POLE4: variants seen among roughly 807,000 people sequenced by gnomAD.
The protein encoded by POLE4 is DNA polymerase epsilon 4, accessory subunit.
Under a neutral mutation model 15.6 loss-of-function variants are expected in POLE4, and 15 were observed. The observed-to-expected ratio is 0.96, with a 90% CI of 0.64 to 1.48. POLE4 has a LOEUF of 1.48. Among genes scored for constraint, POLE4 ranks in the 40% most tolerant of loss-of-function variants. The probability of loss-of-function intolerance (pLI) is 0.00; values close to 1 mark genes in which losing one functional copy is unlikely to be tolerated. For synonymous variants in POLE4, 83 were observed against 63.2 expected (o/e 1.31, Z -1.49); for missense variants, 205 against 151.9 (o/e 1.35, Z -1.84).
chr2:74,968,806 T>G (rs1437700069), intron 3 of POLE4, among the ~76,000 whole-genome samples: 1 of 152,010 alleles, frequency 6.6e-6, no homozygotes, highest in Non-Finnish European at 1.5e-5. Context: ...ATGGTTCTTT[T>G]AGGCATATGG....
chr2:74,958,911 G>T lies in POLE4; in HGVS notation c.213+19G>T. 3.2e-6 allele frequency: 5 copies of T among 1,549,624 alleles called. No homozygotes were observed. The highest frequency in any genetic ancestry group is 1.2e-5 in the South Asian group (1 of 84,044). ...AGCCGCGGTGCGCCTGCAGCGCGAG[G>T]GCATGCGGGAGTGGGGGAGGTGGAG... On this transcript the variant is annotated intron_variant, in intron 1 of 3. Transcript: ENST00000483063.
chr2:74,959,779 C>G, intron 2 of POLE4: 1 of 454,796 alleles, frequency 2.2e-6, no homozygotes, highest in South Asian at 3.8e-5. Context: ...ATACCGTATT[C>G]TCATGCGCCC....
rs1239273253 is a variant in POLE4, at chr2:74,960,162, G to C, written c.340+16G>C. ...TTTCTGGAAGGTGAGTTCCCTCTCAGTGGGCAATCATTTCCGCCTGTCTTT... is the reference window on the plus strand; with the variant it reads ...TTTCTGGAAGGTGAGTTCCCTCTCACTGGGCAATCATTTCCGCCTGTCTTT... On this transcript the variant is annotated intron_variant, in intron 3 of 3. Coordinates refer to ENST00000483063, the MANE Select transcript of POLE4 (RefSeq NM_019896.4). 1 of 1,602,506 alleles carries C rather than the reference G, an allele frequency of 6.2e-7. No homozygotes were observed. Among genetic ancestry groups the C allele is most frequent in the South Asian group, 1.1e-5 (1 of 90,854 alleles).
Position 74,969,419 on chromosome 2 carries a change from T to A in POLE4, c.351T>A (p.Asp117Glu). ...TCTTTGTATGTTTAGGTACTTTAGA[T>A]TGATTGCCGAGCGGGGCAGTTTTGT... is the stretch of plus-strand genomic sequence containing the variant. ...DEFAFLEGTL[D>E] The change falls in exon 4 of 4, where the codon GAT (aspartate) becomes GAA (glutamate). Residue 117 changes from aspartate to glutamate, a missense_variant. Asp to Glu is a conservative substitution (Grantham distance 45). Transcript: ENST00000483063. 1 of 1,613,878 alleles carries A rather than the reference T, an allele frequency of 6.2e-7. No homozygotes were observed. Among genetic ancestry groups the A allele is most frequent in the Non-Finnish European group, 8.5e-7 (1 of 1,179,768 alleles).
At chr2:74,959,467 C>A in intron 2 of POLE4, 42 bp downstream of exon 2, 2 of 1,337,216 alleles carry the variant, frequency 1.5e-6, no homozygotes, top group Non-Finnish European at 2.1e-6. Flanking sequence ...CAAGGGAGGG[C>A]TGGGCTGGTT....
chr2:74,958,885 G>C lies in POLE4; in HGVS notation c.206G>C (p.Arg69Pro), dbSNP rs935556931. Residue 69 changes from arginine (R) to proline (P), a missense_variant, in exon 1 of 4, where the codon CGA (arginine) becomes CCA (proline). Arg to Pro is a moderately radical substitution (Grantham distance 103). Transcript: ENST00000483063. ...CAGGAAGCCATCTTCATTCTGGCAC[G>C]AGCCGCGGTGCGCCTGCAGCGCGAG... Reference protein sequence around the residue: ...AGQEAIFILARAAELFVETIA... With the variant: ...AGQEAIFILAPAAELFVETIA... 2 of 1,555,302 alleles carry C rather than the reference G, an allele frequency of 1.3e-6. No homozygotes were observed. Among genetic ancestry groups the C allele is most frequent in the Non-Finnish European group, 1.7e-6 (2 of 1,149,218 alleles).
chr2:74,959,314 C>T (rs1276275356), intron 1 of POLE4, 27 bp from the exon 2 acceptor site: 3 of 1,543,842 alleles, frequency 1.9e-6, no homozygotes, highest in Non-Finnish European at 2.7e-6. Context: ...GAACCCATTA[C>T]TAAAACTTTG....
intron 3 of POLE4, among the ~76,000 whole-genome samples, chr2:74,963,649 G>A (rs1671257203): frequency 6.6e-6 from 1 of 151,910 alleles, no homozygotes; most frequent in Admixed American, 6.6e-5. Context: ...CACCACGCCT[G>A]GCTAATTTTG....
chr2:74,959,197 G>A, intron 1 of POLE4, 144 bp from the exon 2 acceptor site: 2 of 627,346 alleles, frequency 3.2e-6, no homozygotes, highest in East Asian at 2.8e-5. Flanking sequence ...GGATCTTCAT[G>A]AAGTCCAGGA....
At position 74,965,673 on chromosome 2, in the gene POLE4, C is replaced by T. The variant is rs151257434; in HGVS notation, c.341-3736C>T. ...ATTCTTTCATTATATATTATGAAAC[C>T]ATGTGATTAGATATATACAAATTTA... On this transcript the variant is annotated intron_variant, in intron 3 of 3. Coordinates refer to ENST00000483063, the MANE Select transcript of POLE4 (RefSeq NM_019896.4). 5.2e-3 allele frequency among the ~76,000 whole-genome samples: 797 copies of T among 152,180 alleles called. 10 individuals carry two copies. The highest frequency in any genetic ancestry group is 0.018 in the African/African-American group (755 of 41,522).
At chr2:74,966,833 T>G (rs1482886036) in intron 3 of POLE4, among the ~76,000 whole-genome samples, 1 of 152,232 alleles carries the variant, frequency 6.6e-6, no homozygotes, top group African/African-American at 2.4e-5. Context: ...GCCTTGAATT[T>G]CATTGTTGGA....
In POLE4 at chr2:74,969,482, C is replaced by T. The variant is rs550309280; in HGVS notation, c.*60C>T. ...GAAGCCTTCAGTTCACCCCTCTGCA[C>T]AGGCCTCAGCTTTGAAGAACGGAGT... is the stretch of plus-strand genomic sequence containing the variant. On this transcript the variant is annotated 3_prime_UTR_variant, in exon 4 of 4. Coordinates refer to ENST00000483063, the MANE Select transcript of POLE4 (RefSeq NM_019896.4). 54 of 1,507,924 alleles carry T rather than the reference C, an allele frequency of 3.6e-5. No individual in the cohort carries two copies. The highest frequency in any genetic ancestry group is 1.8e-6 in the Non-Finnish European group (2 of 1,082,982). 93.4% of individuals were successfully genotyped at this position (1,507,924 alleles called of 1,614,324 possible).
chr2:74,958,874 C>T lies in POLE4; in HGVS notation c.195C>T (p.Phe65=), dbSNP rs1489630776. 5.1e-6 allele frequency: 8 copies of T among 1,558,224 alleles called. No homozygotes were observed. The highest frequency in any genetic ancestry group is 7.0e-6 in the Non-Finnish European group (8 of 1,151,052). ...DVTLAGQEAI[F]ILARAAELFV... is the part of the protein sequence containing the mutation. ...CGCTAGCGGGACAGGAAGCCATCTT[C>T]ATTCTGGCACGAGCCGCGGTGCGCC... is the stretch of plus-strand genomic sequence containing the variant. Residue 65 remains phenylalanine (F), a synonymous_variant, in exon 1 of 4, where the codon TTC becomes TTT. Transcript: ENST00000483063.
chr2:74,967,396 T>C (rs1671312071), intron 3 of POLE4, among the ~76,000 whole-genome samples: 1 of 152,032 alleles, frequency 6.6e-6, no homozygotes, highest in South Asian at 2.1e-4. Flanking sequence ...CCAAATCTGT[T>C]GTCTTTTTTT....
chr2:74,961,824 G>C (rs1671224820), intron 3 of POLE4, among the ~76,000 whole-genome samples: 1 of 152,106 alleles, frequency 6.6e-6, no homozygotes, highest in Admixed American at 6.5e-5. Flanking sequence ...AGCCATCATA[G>C]CCCCTGTGGA....
rs1284626289 is a variant in POLE4, at chr2:74,970,005, T to G, written c.*583T>G. 6.6e-6 allele frequency: 1 copy of G among 152,622 alleles called. No individual in the cohort carries two copies. The highest frequency in any genetic ancestry group is 1.5e-5 in the Non-Finnish European group (1 of 68,332). 9.5% of individuals were successfully genotyped at this position (152,622 alleles called of 1,614,324 possible). Reference sequence around the variant, plus strand: ...TTTATTTATTGACATATCCACATACTCTATATTTCACCAATTTAAAGTGTA... The same window carrying G: ...TTTATTTATTGACATATCCACATACGCTATATTTCACCAATTTAAAGTGTA... On this transcript the variant is annotated 3_prime_UTR_variant, in exon 4 of 4. Coordinates refer to ENST00000483063, the MANE Select transcript of POLE4 (RefSeq NM_019896.4).
At position 74,958,771 on chromosome 2, in the gene POLE4, C is replaced by G. The variant is rs748922338; in HGVS notation, c.92C>G (p.Thr31Arg). The change falls in exon 1 of 4, where the codon ACG becomes AGG. Residue 31 changes from threonine (T) to arginine (R), a missense_variant. Physicochemically the swap from Thr to Arg is moderately conservative, Grantham distance 71. Transcript: ENST00000483063. ...EAAASQPQAP[T>R]SVPGARLSRL... Reference sequence around the variant, plus strand: ...GCGGCCTCGCAGCCCCAGGCCCCAACGAGTGTGCCTGGGGCTCGTCTCTCG... The same window carrying G: ...GCGGCCTCGCAGCCCCAGGCCCCAAGGAGTGTGCCTGGGGCTCGTCTCTCG... The G allele has an allele frequency of 5.2e-6, 8 of 1,546,120 alleles. No homozygotes were observed. Among genetic ancestry groups the G allele is most frequent in the East Asian group, 2.5e-5 (1 of 39,944 alleles).
rs992857495 is a variant in POLE4 at position 74,958,717 on chromosome 2, G to A, written c.38G>A (p.Arg13Gln). The A allele has an allele frequency of 2.7e-6, 4 of 1,496,428 alleles. No individual in the cohort carries two copies. Among genetic ancestry groups the A allele is most frequent in the Non-Finnish European group, 1.8e-6 (2 of 1,126,436 alleles). 92.7% of individuals were successfully genotyped at this position (1,496,428 alleles called of 1,614,324 possible). A position where few individuals can be genotyped will look rare whatever the true frequency, so the allele number is the denominator to read the frequency against. Reference sequence around the variant, plus strand: ...GCGGCGGCAGGAAGCGGGACGCCCCGAGAGGAGGAGGGACCTGCTGGGGAG... The same window carrying A: ...GCGGCGGCAGGAAGCGGGACGCCCCAAGAGGAGGAGGGACCTGCTGGGGAG... ...AAAAAGSGTP[R>Q]EEEGPAGEAA... The change falls in exon 1 of 4, where the codon CGA becomes CAA. Residue 13 changes from arginine to glutamine, a missense_variant. Arg to Gln is a conservative substitution (Grantham distance 43). Transcript: ENST00000483063.
chr2:74,961,656 C>G (rs923744043), intron 3 of POLE4, among the ~76,000 whole-genome samples: 17 of 152,190 alleles, frequency 1.1e-4, no homozygotes, highest in African/African-American at 4.1e-4. Context: ...TAGTTTTCCA[C>G]TCTAGCCTCT....
Sources: gnomAD v4.1 joint callset for allele counts (sites outside exome capture counted in the v4.1 genomes callset) on GRCh38, gnomAD v4.1.1 for gene constraint, MANE v1.5 for transcripts, NCBI Gene and HGNC (gene_info 2026-07-23, HGNC 2026-07-21) for gene names.